The following NEGR1 variants were observed in gnomAD, a reference collection of about 807,000 sequenced individuals.
NEGR1 encodes the protein neuronal growth regulator 1, also known as IgLON family member 4.
A neutral mutation model predicts 40.9 loss-of-function variants in NEGR1; 10 were observed. The ratio of observed to expected loss-of-function variants is 0.24; its 90% confidence interval spans 0.15 to 0.42. The LOEUF is 0.42. Among genes scored for constraint, NEGR1 ranks in the 10% least tolerant of loss-of-function variants. The pLI is 1.00. For missense variants in NEGR1, 352 were observed against 438.9 expected (o/e 0.80, Z 1.77); for synonymous variants, 185 against 166.8 (o/e 1.11, Z -0.84).
chr1:71,673,155 C>T (rs907334252), intron 4 of NEGR1, among the ~76,000 whole-genome samples: 3 of 152,106 alleles, frequency 2.0e-5, no homozygotes, highest in Middle Eastern at 3.4e-3. Flanking sequence ...AGGAGAATGG[C>T]GTGAATCCAG....
chr1:71,779,713 G>A (rs1011242482), intron 2 of NEGR1, among the ~76,000 whole-genome samples: 6 of 151,774 alleles, frequency 4.0e-5, no homozygotes, highest in South Asian at 2.1e-4. Context: ...GATTACAGGC[G>A]CCTGCCACTG....
At chr1:71,830,103 T>A (rs1658786551) in intron 2 of NEGR1, among the ~76,000 whole-genome samples, 1 of 151,888 alleles carries the variant, frequency 6.6e-6, no homozygotes, top group Non-Finnish European at 1.5e-5. Context: ...CCCCTATAGA[T>A]CAAGAAATAG....
chr1:71,655,983 T>G (rs751596103), intron 4 of NEGR1, among the ~76,000 whole-genome samples: 1 of 152,224 alleles, frequency 6.6e-6, no homozygotes, highest in Non-Finnish European at 1.5e-5. Flanking sequence ...CTAATCTATG[T>G]TGAATTCTAT....
chr1:71,967,497 T>G (rs1217180125), intron 1 of NEGR1, among the ~76,000 whole-genome samples: 1 of 152,202 alleles, frequency 6.6e-6, no homozygotes, highest in African/African-American at 2.4e-5. Context: ...ATTTTTGGAA[T>G]CTATTTAAAA....
chr1:72,256,815 T>C (rs1434229929), intron 1 of NEGR1, among the ~76,000 whole-genome samples: 3 of 152,186 alleles, frequency 2.0e-5, no homozygotes, highest in African/African-American at 7.2e-5. Context: ...ATCCATGTAA[T>C]GACATGGTAA....
At chr1:72,121,411 AAG>A (rs1016343842) in intron 1 of NEGR1, among the ~76,000 whole-genome samples, 7 of 151,984 alleles carry the variant, frequency 4.6e-5, no homozygotes, top group African/African-American at 1.7e-4. Context: ...TATCATACCT[AAG>A]CATAGGTTTT....
chr1:71,852,198 T>G (rs994527376), intron 2 of NEGR1, among the ~76,000 whole-genome samples: 1 of 152,082 alleles, frequency 6.6e-6, no homozygotes, highest in African/African-American at 2.4e-5. Context: ...AATAAGAGAT[T>G]GCACTGGAGA....
At chr1:71,820,468 A>G (rs1187591265) in intron 2 of NEGR1, among the ~76,000 whole-genome samples, 2 of 152,006 alleles carry the variant, frequency 1.3e-5, no homozygotes, top group African/African-American at 4.8e-5. Flanking sequence ...GAAATTAAAT[A>G]TCTAGATAAT....
At chr1:71,799,057 T>A (rs1221498283) in intron 2 of NEGR1, among the ~76,000 whole-genome samples, 5 of 152,004 alleles carry the variant, frequency 3.3e-5, no homozygotes, top group South Asian at 2.1e-4. Context: ...TTTTTTTTTT[T>A]TTATTATACT....
intron 4 of NEGR1, among the ~76,000 whole-genome samples, chr1:71,664,195 T>A (rs1435474915): frequency 2.0e-5 from 3 of 152,194 alleles, no homozygotes; most frequent in African/African-American, 7.2e-5. Flanking sequence ...AAGCTCACTG[T>A]ATGTAGAAAA....
intron 1 of NEGR1, among the ~76,000 whole-genome samples, chr1:72,114,972 C>T (rs1250785488): frequency 6.6e-6 from 1 of 151,730 alleles, no homozygotes; most frequent in East Asian, 1.9e-4. Flanking sequence ...ATATTTGTCA[C>T]TATTGCTTTT....
chr1:71,799,826 C>A (rs1440325830), intron 2 of NEGR1, among the ~76,000 whole-genome samples: 1 of 152,112 alleles, frequency 6.6e-6, no homozygotes, highest in Non-Finnish European at 1.5e-5. Flanking sequence ...AATTCTCTTG[C>A]CTCAGCCTCC....
At position 71,727,024 on chromosome 1, in the gene NEGR1, T is replaced by C. The variant is rs367605754; in HGVS notation, c.536-28885A>G. Among the ~76,000 whole-genome samples, 26 of 152,288 alleles carry C rather than the reference T, an allele frequency of 1.7e-4. No homozygotes were observed. The East Asian group carries it at 4.1e-3, about 24-fold the overall frequency. ...ACCTTTACTATGGTTAGTATGTGACTGAGAGCTACAACATCAGCAAGATGC... is the reference window on the plus strand; with the variant it reads ...ACCTTTACTATGGTTAGTATGTGACCGAGAGCTACAACATCAGCAAGATGC... On this transcript the variant is annotated intron_variant, in intron 3 of 6. Coordinates refer to ENST00000357731, the MANE Select transcript of NEGR1 (RefSeq NM_173808.3).
chr1:71,486,313 G>A (rs1173295292), intron 6 of NEGR1: 1 of 151,150 alleles, frequency 6.6e-6, no homozygotes, highest in Non-Finnish European at 1.5e-5. Context: ...TTATTGTTGG[G>A]TTTTAAGAGT....
In NEGR1 at chr1:71,477,832, T is replaced by G. The variant is rs138826913; in HGVS notation, c.941-70262A>C. Among the ~76,000 whole-genome samples the G allele has an allele frequency of 2.0e-5, 3 of 152,122 alleles. No individual in the cohort carries two copies. The East Asian group carries it at 5.8e-4, about 30-fold the overall frequency. On this transcript the variant is annotated intron_variant, in intron 6 of 6. Transcript: ENST00000357731. ...GCCTTTGATCTTACAAAGATCAAAT[T>G]ACTTACAAAGAGACTGAGCAGATAT... is the stretch of plus-strand genomic sequence containing the variant.
intron 2 of NEGR1, among the ~76,000 whole-genome samples, chr1:71,847,350 G>GCACTTTA (rs1659453942): frequency 6.6e-6 from 1 of 152,090 alleles, no homozygotes; most frequent in Non-Finnish European, 1.5e-5. Context: ...TACAGATAAT[G>GCACTTTA]CATTTGTTAC....
At chr1:72,006,435 G>T (rs1411473671) in intron 1 of NEGR1, among the ~76,000 whole-genome samples, 2 of 152,104 alleles carry the variant, frequency 1.3e-5, no homozygotes, top group Non-Finnish European at 2.9e-5. Flanking sequence ...TCTATCAGAA[G>T]AATTATTTTC....
chr1:72,028,551 A>G (rs151268472), intron 1 of NEGR1, among the ~76,000 whole-genome samples: 16 of 152,252 alleles, frequency 1.1e-4, no homozygotes, highest in African/African-American at 3.9e-4. Flanking sequence ...TGCTCACTTC[A>G]CCCACAAATT....
intron 6 of NEGR1, among the ~76,000 whole-genome samples, chr1:71,432,807 C>G (rs760603095): frequency 6.6e-5 from 10 of 152,200 alleles, no homozygotes; most frequent in Admixed American, 2.6e-4. Context: ...TTACCAGGAT[C>G]CAAGCCCCCA....
Sources: allele counts gnomAD v4.1 joint callset (sites outside exome capture counted in the v4.1 genomes callset), GRCh38; gene constraint gnomAD v4.1.1; transcripts MANE v1.5; gene names NCBI Gene and HGNC (gene_info 2026-07-23, HGNC 2026-07-21).